Variants in E2F3 observed in about 807,000 individuals in gnomAD.
E2F3 encodes the protein transcription factor E2F3.
In E2F3, 11 loss-of-function variants were observed where a neutral mutation model predicts 44.4. The observed-to-expected ratio is 0.25, with a 90% CI of 0.16 to 0.41. E2F3 has a LOEUF of 0.41. Among genes scored for constraint, E2F3 ranks in the 10% least tolerant of loss-of-function variants. The pLI, the probability that E2F3 is intolerant of heterozygous loss-of-function variation, is 1.00. For missense variants in E2F3, 487 were observed against 583.6 expected, an observed-to-expected ratio of 0.83 and a Z score of 1.70; for synonymous variants, 249 against 253.0, an observed-to-expected ratio of 0.98 and a Z score of 0.15.
intron 1 of E2F3, among the ~76,000 whole-genome samples, chr6:20,430,799 C>T (rs564253166): frequency 6.6e-5 from 10 of 152,166 alleles, no homozygotes; most frequent in Non-Finnish European, 1.0e-4. Flanking sequence ...CTAAAGCAGG[C>T]AGATCACCTG....
chr6:20,475,328 T>C (rs557736340), intron 1 of E2F3, among the ~76,000 whole-genome samples: 1 of 152,320 alleles, frequency 6.6e-6, no homozygotes, highest in African/African-American at 2.4e-5. Flanking sequence ...TTCCCTAACC[T>C]ACAGTTTAAT....
chr6:20,455,027 AGTTT>A (rs1761264186), intron 1 of E2F3, among the ~76,000 whole-genome samples: 1 of 152,206 alleles, frequency 6.6e-6, no homozygotes, highest in African/African-American at 2.4e-5. Flanking sequence ...TATCGAAGTT[AGTTT>A]AAGAACAAAG....
At chr6:20,451,201 T>C (rs1761120051) in intron 1 of E2F3, among the ~76,000 whole-genome samples, 1 of 152,192 alleles carries the variant, frequency 6.6e-6, no homozygotes, top group African/African-American at 2.4e-5. Flanking sequence ...ACATTGAATG[T>C]GTAAATTGCT....
chr6:20,472,151 G>A (rs1172339811), intron 1 of E2F3, among the ~76,000 whole-genome samples: 1 of 81,598 alleles, frequency 1.2e-5, no homozygotes, highest in South Asian at 3.9e-4. Flanking sequence ...TTATTCCTTG[G>A]TTCATTCAAA....
At chr6:20,463,764 T>C (rs1761606164) in intron 1 of E2F3, among the ~76,000 whole-genome samples, 1 of 152,120 alleles carries the variant, frequency 6.6e-6, no homozygotes, top group African/African-American at 2.4e-5. Context: ...CAGCTGGGTG[T>C]CCCCCAGTTC....
At chr6:20,403,672 C>T in intron 1 of E2F3, 1 of 549,470 alleles carries the variant, frequency 1.8e-6, no homozygotes, top group Admixed American at 4.0e-5. Flanking sequence ...TCGCACCCGC[C>T]CCCGGCACCG....
At position 20,492,635 on chromosome 6, in the gene E2F3, G is replaced by A. The variant is rs544644267; in HGVS notation, c.*2205G>A. 6.9e-5 allele frequency: 16 copies of A among 232,058 alleles called. No homozygotes were observed. The highest frequency in any genetic ancestry group is 1.7e-4 in the Admixed American group (3 of 17,712). 14.4% of individuals were successfully genotyped at this position (232,058 alleles called of 1,614,324 possible). The stretch of plus-strand genomic sequence containing the variant: ...AAAGTCTAAAGACTGAGCTCACCTG[G>A]CTAGATTGTTGTGTGTTTTGTTGAA... On this transcript the variant is annotated 3_prime_UTR_variant, in exon 7 of 7. Transcript: ENST00000346618.
intron 1 of E2F3, among the ~76,000 whole-genome samples, chr6:20,408,812 G>A (rs1347390250): frequency 3.9e-5 from 6 of 152,204 alleles, no homozygotes; most frequent in African/African-American, 1.4e-4. Flanking sequence ...TTCCATTACC[G>A]TAGCCCAACT....
intron 1 of E2F3, among the ~76,000 whole-genome samples, chr6:20,422,551 A>G (rs1406609921): frequency 1.3e-5 from 2 of 152,186 alleles, no homozygotes; most frequent in Admixed American, 6.5e-5. Flanking sequence ...TTTGACGTAC[A>G]TTTCCTCACC....
At chr6:20,471,568 C>A (rs777762758) in intron 1 of E2F3, among the ~76,000 whole-genome samples, 1 of 151,900 alleles carries the variant, frequency 6.6e-6, no homozygotes, top group East Asian at 1.9e-4. Flanking sequence ...GCAAAAAGAG[C>A]GAAACTCCAC....
At chr6:20,423,861 C>T (rs944539831) in intron 1 of E2F3, among the ~76,000 whole-genome samples, 32 of 150,350 alleles carry the variant, frequency 2.1e-4, no homozygotes, top group African/African-American at 6.9e-4. Flanking sequence ...CTCTGCCTCC[C>T]GAGTTCAACC....
chr6:20,411,182 A>G (rs1177996903), intron 1 of E2F3, among the ~76,000 whole-genome samples: 1 of 152,248 alleles, frequency 6.6e-6, no homozygotes, highest in Non-Finnish European at 1.5e-5. Flanking sequence ...ATGTATTAAT[A>G]AAGTGACACT....
intron 1 of E2F3, among the ~76,000 whole-genome samples, chr6:20,465,813 A>G (rs1177728426): frequency 1.3e-5 from 2 of 152,162 alleles, no homozygotes; most frequent in Non-Finnish European, 2.9e-5. Context: ...TCCATCATAT[A>G]TATATATACC....
chr6:20,403,784 A>G, intron 1 of E2F3: 1 of 1,452,306 alleles, frequency 6.9e-7, no homozygotes, highest in Non-Finnish European at 9.1e-7. Flanking sequence ...CCGGCCCCCC[A>G]CCTCCCCCCG....
intron 4 of E2F3, among the ~76,000 whole-genome samples, chr6:20,483,914 C>T (rs901104298): frequency 6.6e-6 from 1 of 152,202 alleles, no homozygotes; most frequent in African/African-American, 2.4e-5. Flanking sequence ...CCAATGTTGG[C>T]AGTTTTTCAA....
intron 4 of E2F3, among the ~76,000 whole-genome samples, chr6:20,483,189 C>A (rs899136204): frequency 6.6e-6 from 1 of 152,056 alleles, no homozygotes; most frequent in Admixed American, 6.5e-5. Context: ...TTTTTTAAAG[C>A]ATTTTTTCAT....
At chr6:20,421,140 G>C (rs746486754) in intron 1 of E2F3, among the ~76,000 whole-genome samples, 2 of 152,180 alleles carry the variant, frequency 1.3e-5, no homozygotes, top group Non-Finnish European at 2.9e-5. Context: ...TTTCATTCTA[G>C]TTCTCTTGCT....
intron 1 of E2F3, chr6:20,403,793 C>A: frequency 6.7e-7 from 1 of 1,498,162 alleles, no homozygotes; most frequent in Non-Finnish European, 8.9e-7. Context: ...CACCTCCCCC[C>A]GGAGCCAGGC....
intron 1 of E2F3, among the ~76,000 whole-genome samples, chr6:20,446,960 C>G (rs1760966085): frequency 1.3e-5 from 2 of 152,148 alleles, no homozygotes; most frequent in South Asian, 4.1e-4. Context: ...CAAAAAGCAC[C>G]TTCATGCAAT....
Sources: gnomAD v4.1 joint callset for allele counts (sites outside exome capture counted in the v4.1 genomes callset) on GRCh38, gnomAD v4.1.1 for gene constraint, MANE v1.5 for transcripts, NCBI Gene and HGNC (gene_info 2026-07-23, HGNC 2026-07-21) for gene names.